NEGR1: variants seen among roughly 807,000 people sequenced by gnomAD.
NEGR1 encodes the protein neuronal growth regulator 1.
NEGR1 carries 10 observed loss-of-function variants against 40.9 expected under a neutral mutation model. That is an observed-to-expected ratio of 0.24 (90% CI 0.15 to 0.42). NEGR1 has a LOEUF of 0.42. Ranked by LOEUF, NEGR1 falls within the 10% of genes least tolerant of loss-of-function variation. NEGR1 has a pLI of 1.00. For synonymous variants in NEGR1, 185 were observed against 166.8 expected (o/e 1.11, Z -0.84); for missense variants, 352 against 438.9 (o/e 0.80, Z 1.77).
At chr1:72,058,206 C>A (rs1647129520) in intron 1 of NEGR1, among the ~76,000 whole-genome samples, 1 of 151,432 alleles carries the variant, frequency 6.6e-6, no homozygotes, top group African/African-American at 2.4e-5. Context: ...TGATATAACT[C>A]AGTCAAGTAA....
intron 1 of NEGR1, among the ~76,000 whole-genome samples, chr1:72,209,162 T>C (rs570480987): frequency 6.6e-6 from 1 of 151,782 alleles, no homozygotes; most frequent in South Asian, 2.1e-4. Context: ...TTAATTTTAC[T>C]AATAATTATC....
At chr1:71,699,820 G>T (rs533207692) in intron 3 of NEGR1, among the ~76,000 whole-genome samples, 3 of 151,918 alleles carry the variant, frequency 2.0e-5, no homozygotes, top group African/African-American at 7.2e-5. Context: ...CATGGGGGCT[G>T]GTCTTTCCAT....
intron 3 of NEGR1, among the ~76,000 whole-genome samples, chr1:71,718,983 G>A (rs757652674): frequency 6.6e-6 from 1 of 152,098 alleles, no homozygotes; most frequent in South Asian, 2.1e-4. Flanking sequence ...AAAAAGTATT[G>A]TTTTCTTCAT....
At chr1:71,996,924 G>T (rs2100371279) in intron 1 of NEGR1, among the ~76,000 whole-genome samples, 1 of 151,646 alleles carries the variant, frequency 6.6e-6, no homozygotes, top group South Asian at 2.1e-4. Context: ...CCTCCTTTTG[G>T]TTCTATATGG....
intron 1 of NEGR1, among the ~76,000 whole-genome samples, chr1:72,266,703 GTATA>G (rs908642778): frequency 2.9e-4 from 38 of 132,644 alleles, no homozygotes; most frequent in African/African-American, 6.3e-4. Context: ...AAGTGTGTGT[GTATA>G]TATATATAGA....
chr1:71,450,618 C>T (rs1349589800), intron 6 of NEGR1, among the ~76,000 whole-genome samples: 1 of 150,386 alleles, frequency 6.6e-6, no homozygotes, highest in African/African-American at 2.4e-5. Context: ...ACTAACCTGG[C>T]CAACAGGGTG....
intron 1 of NEGR1, among the ~76,000 whole-genome samples, chr1:71,985,464 G>A (rs2100346968): frequency 6.6e-6 from 1 of 152,194 alleles, no homozygotes; most frequent in African/African-American, 2.4e-5. Flanking sequence ...GGTGTATAAA[G>A]GTTAAGCAAC....
intron 6 of NEGR1, among the ~76,000 whole-genome samples, chr1:71,585,648 A>G (rs1174721692): frequency 6.6e-6 from 1 of 151,272 alleles, no homozygotes; most frequent in Non-Finnish European, 1.5e-5. Flanking sequence ...TCTGGGAGAA[A>G]CACATCAGTA....
intron 2 of NEGR1, among the ~76,000 whole-genome samples, chr1:71,842,947 A>C (rs1659292722): frequency 6.6e-6 from 1 of 152,196 alleles, no homozygotes; most frequent in South Asian, 2.1e-4. Flanking sequence ...AGAGGATTAT[A>C]ACACTTTCCC....
intron 6 of NEGR1, among the ~76,000 whole-genome samples, chr1:71,408,421 A>G (rs924875291): frequency 6.6e-6 from 1 of 152,068 alleles, no homozygotes; most frequent in Non-Finnish European, 1.5e-5. Context: ...ACATTTATAC[A>G]TCAGAAATAT....
In NEGR1 at chr1:71,621,302, G is replaced by C. The variant is rs372493146; in HGVS notation, c.668-10156C>G. ...TGTGGTAAACCTTATATTCCTCTTTGAACAAGAAATAAGAGGCTTGGGTTC... is the reference window on the plus strand; with the variant it reads ...TGTGGTAAACCTTATATTCCTCTTTCAACAAGAAATAAGAGGCTTGGGTTC... On this transcript the variant is annotated intron_variant, in intron 4 of 6. Coordinates refer to ENST00000357731, the MANE Select transcript of NEGR1 (RefSeq NM_173808.3). Among the ~76,000 whole-genome samples the C allele has an allele frequency of 5.1e-4, 77 of 151,754 alleles. No homozygotes were observed. The East Asian group carries it at 7.2e-3, about 14-fold the overall frequency.
At chr1:71,776,372 A>C in intron 2 of NEGR1, 75 bp from the exon 3 acceptor site, 1 of 864,604 alleles carries the variant, frequency 1.2e-6, no homozygotes, top group Admixed American at 2.9e-5. Context: ...TTAATTCCAT[A>C]ATATCATGCA....
At chr1:72,244,627 G>GCATCA (rs1303298838) in intron 1 of NEGR1, among the ~76,000 whole-genome samples, 6 of 151,878 alleles carry the variant, frequency 4.0e-5, no homozygotes, top group African/African-American at 1.4e-4. Context: ...CTGCAACACT[G>GCATCA]CATCAGTGAA....
At chr1:71,581,737 C>T (rs572223771) in intron 6 of NEGR1, among the ~76,000 whole-genome samples, 3 of 147,984 alleles carry the variant, frequency 2.0e-5, no homozygotes, top group African/African-American at 7.4e-5. Flanking sequence ...GGGTCTCACT[C>T]TGCCGTCCAG....
At chr1:72,007,121 T>C (rs1400908049) in intron 1 of NEGR1, among the ~76,000 whole-genome samples, 3 of 152,094 alleles carry the variant, frequency 2.0e-5, no homozygotes, top group African/African-American at 7.2e-5. Flanking sequence ...TGCAGCAATT[T>C]GTTTTTTCAA....
At chr1:72,071,698 C>T (rs1030064659) in intron 1 of NEGR1, among the ~76,000 whole-genome samples, 3 of 152,070 alleles carry the variant, frequency 2.0e-5, no homozygotes, top group Non-Finnish European at 2.9e-5. Flanking sequence ...GATAAGTCTC[C>T]TATTTCTTTT....
At chr1:71,935,546 TGC>T (rs1459388655) in intron 1 of NEGR1, among the ~76,000 whole-genome samples, 2 of 148,792 alleles carry the variant, frequency 1.3e-5, no homozygotes, top group Non-Finnish European at 3.0e-5. Flanking sequence ...TGTGTGTGTG[TGC>T]ATGTTCGTGT....
intron 2 of NEGR1, among the ~76,000 whole-genome samples, 183 bp from the exon 3 acceptor site, chr1:71,776,480 T>C (rs550383713): frequency 4.0e-5 from 6 of 151,198 alleles, no homozygotes; most frequent in African/African-American, 1.5e-4. Flanking sequence ...TTTTTATTAG[T>C]TTTTTTTCCC....
intron 1 of NEGR1, among the ~76,000 whole-genome samples, chr1:72,188,233 A>G (rs566224205): frequency 3.3e-5 from 5 of 151,614 alleles, no homozygotes; most frequent in Admixed American, 6.6e-5. Context: ...TGAACCTTTC[A>G]AAAGGCTCAG....
Sources: allele counts gnomAD v4.1 joint callset (sites outside exome capture counted in the v4.1 genomes callset), GRCh38; gene constraint gnomAD v4.1.1; transcripts MANE v1.5; gene names NCBI Gene and HGNC (gene_info 2026-07-23, HGNC 2026-07-21).